Variants in POTEE observed in about 807,000 individuals in gnomAD.
The protein encoded by POTEE is ANKRD26-like family C member 1A.
A neutral mutation model predicts 74.2 loss-of-function variants in POTEE; 21 were observed. That is an observed-to-expected ratio of 0.28 (90% CI 0.20 to 0.41). POTEE has a LOEUF of 0.41. POTEE is among the 10% of genes least tolerant of loss of function. POTEE has a pLI of 1.00. For missense variants in POTEE, 525 were observed against 1,158.6 expected (o/e 0.45, Z 7.94); for synonymous variants, 211 against 432.8 (o/e 0.49, Z 6.36).
At chr2:131,258,474 G>C (rs1366769723) in intron 16 of POTEE, among the ~76,000 whole-genome samples, 2 of 136,022 alleles carry the variant, frequency 1.5e-5, no homozygotes, top group African/African-American at 5.3e-5. Flanking sequence ...TAGTCTCTTT[G>C]TCAGTTCATG....
intron 3 of POTEE, among the ~76,000 whole-genome samples, 98 bp downstream of exon 3, chr2:131,217,781 C>T (rs984279667): frequency 3.0e-4 from 42 of 141,404 alleles, no homozygotes; most frequent in Admixed American, 1.9e-3. Context: ...ACGCCGCACG[C>T]GCACGCGCAC....
At chr2:131,216,559 A>G (rs923215156) in intron 2 of POTEE, among the ~76,000 whole-genome samples, 8 of 151,782 alleles carry the variant, frequency 5.3e-5, no homozygotes, top group Non-Finnish European at 1.0e-4. Flanking sequence ...CACATGACTC[A>G]GTAAATTCAC....
rs757041537 is a variant in POTEE, at chr2:131,226,919, A to G, written c.907A>G (p.Arg303Gly). The change falls in exon 7 of 18, where the codon AGA becomes GGA. Residue 303 changes from arginine (R) to glycine (G), a missense_variant. Arg to Gly is a moderately radical substitution (Grantham distance 125, BLOSUM62 -2). Coordinates refer to ENST00000683005, the MANE Select transcript of POTEE (RefSeq NM_001083538.3). ...KKKANLNALD[R>G]YGRTALILAV... ...AAAAGCGAATTTAAATGCACTGGAT[A>G]GATATGGAAGGTATAGTTCTTTCTT... 1.6e-4 allele frequency: 256 copies of G among 1,611,540 alleles called. 1 individual carries two copies. Among genetic ancestry groups the G allele is most frequent in the Non-Finnish European group, 2.1e-4 (245 of 1,179,602 alleles).
chr2:131,260,191 G>A (rs1339354670), intron 16 of POTEE, among the ~76,000 whole-genome samples: 1 of 149,330 alleles, frequency 6.7e-6, no homozygotes, highest in East Asian at 1.9e-4. Flanking sequence ...GTTTTTATAC[G>A]AGTACCACGC....
intron 16 of POTEE, among the ~76,000 whole-genome samples, chr2:131,256,798 A>C (rs1406068749): frequency 6.7e-6 from 1 of 149,752 alleles, no homozygotes; most frequent in African/African-American, 2.4e-5. Context: ...AGAGAAAATG[A>C]AGAAAATGAA....
At chr2:131,216,226 C>T (rs116592435) in intron 2 of POTEE, among the ~76,000 whole-genome samples, 4,134 of 149,552 alleles carry the variant, frequency 0.028, 246 homozygotes, top group African/African-American at 0.1. Context: ...TATTTGTCAA[C>T]TGAAAAAATT....
intron 4 of POTEE, among the ~76,000 whole-genome samples, chr2:131,219,690 T>C (rs1270926527): frequency 6.6e-6 from 1 of 151,194 alleles, no homozygotes; most frequent in Non-Finnish European, 1.5e-5. Context: ...TGAGCAGAGA[T>C]AGTGCCACCG....
intron 9 of POTEE, 104 bp downstream of exon 9, chr2:131,231,010 T>C: frequency 1.0e-6 from 1 of 1,000,996 alleles, no homozygotes; most frequent in Non-Finnish European, 1.5e-6. Context: ...TGGGGGAGGG[T>C]GGGGATGGTT....
rs775208810 is a variant in POTEE at position 131,210,334 on chromosome 2, T to TG, written c.-345+524dup. On this transcript the variant is annotated intron_variant, in intron 1 of 17. Coordinates refer to ENST00000683005, the MANE Select transcript of POTEE (RefSeq NM_001083538.3). ...CTACACTGCCTGTGGAAGGGGTGGT[T>TG]GGGGGGGGGTATTGGGGTTACACTG... is the stretch of plus-strand genomic sequence containing the variant. Among the ~76,000 whole-genome samples, 133 of 24,402 alleles carry TG rather than the reference T, an allele frequency of 5.5e-3. 1 individual carries two copies. Among genetic ancestry groups the TG allele is most frequent in the Middle Eastern group, 0.021 (1 of 48 alleles). 16.0% of individuals were successfully genotyped at this position (24,402 alleles called of 152,430 possible). A position where few individuals can be genotyped will look rare whatever the true frequency, so the allele number is the denominator to read the frequency against.
chr2:131,256,785 T>C (rs1449390543), intron 16 of POTEE, among the ~76,000 whole-genome samples: 7 of 141,554 alleles, frequency 4.9e-5, no homozygotes, highest in Admixed American at 7.1e-5. Flanking sequence ...CGATTCCTAA[T>C]CCAGAGAAAA....
At chr2:131,230,500 T>C (rs559287416) in intron 8 of POTEE, among the ~76,000 whole-genome samples, 472 of 152,298 alleles carry the variant, frequency 3.1e-3, no homozygotes, top group African/African-American at 0.011. Context: ...ACATTGAGCC[T>C]AAGAGAAGCA....
At chr2:131,234,363 T>A (rs1332724720) in intron 9 of POTEE, among the ~76,000 whole-genome samples, 3 of 147,102 alleles carry the variant, frequency 2.0e-5, no homozygotes, top group Non-Finnish European at 4.5e-5. Context: ...ACACTTTGAT[T>A]TTTTCCCCGC....
intron 17 of POTEE, among the ~76,000 whole-genome samples, chr2:131,263,046 T>A (rs1402440769): frequency 2.0e-5 from 3 of 151,920 alleles, no homozygotes; most frequent in South Asian, 2.1e-4. Flanking sequence ...AAGGCTTTTT[T>A]AATTCTGGGA....
rs1274319827 is a variant in POTEE at position 131,223,589 on chromosome 2, C to T, written c.522-7C>T. 1.2e-6 allele frequency: 2 copies of T among 1,612,208 alleles called. No homozygotes were observed. The highest frequency in any genetic ancestry group is 2.2e-5 in the East Asian group (1 of 44,860). ...CAATTTCCTAAAAAGTCTTGTCACT[C>T]TCATAGGACTGCTCTACATCTGGCC... On this transcript the variant is annotated splice_region_variant and splice_polypyrimidine_tract_variant and intron_variant, in intron 4 of 17. Coordinates refer to ENST00000683005, the MANE Select transcript of POTEE (RefSeq NM_001083538.3).
chr2:131,209,841 T>C (rs1406049821), intron 1 of POTEE, among the ~76,000 whole-genome samples, 22 bp downstream of exon 1: 1 of 151,710 alleles, frequency 6.6e-6, no homozygotes, highest in Non-Finnish European at 1.5e-5. Context: ...GGGGATGTAC[T>C]GCCCGCCTGT....
chr2:131,218,093 G>T, intron 3 of POTEE: 1 of 505,818 alleles, frequency 2.0e-6, no homozygotes, highest in East Asian at 3.6e-5. Flanking sequence ...TTCTCTGCTG[G>T]GTTTGGCATT....
chr2:131,230,741 A>G, intron 8 of POTEE, 95 bp from the exon 9 acceptor site: 1 of 1,411,622 alleles, frequency 7.1e-7, no homozygotes, highest in Non-Finnish European at 9.6e-7. Flanking sequence ...TTATTCTGAT[A>G]TTGTTTGAAA....
rs976954009 is a variant in POTEE at position 131,264,962 on chromosome 2, G to C, written c.*279G>C. On this transcript the variant is annotated 3_prime_UTR_variant, in exon 18 of 18. Coordinates refer to ENST00000683005, the MANE Select transcript of POTEE (RefSeq NM_001083538.3). ...AATATTGTGAGACGCATTGTTTCAGGAAGCCCCTTGCCCTGCTAAAAGCCA... is the reference window on the plus strand; with the variant it reads ...AATATTGTGAGACGCATTGTTTCAGCAAGCCCCTTGCCCTGCTAAAAGCCA... 2.4e-5 allele frequency: 14 copies of C among 582,298 alleles called. No homozygotes were observed. The highest frequency in any genetic ancestry group is 4.2e-5 in the Non-Finnish European group (14 of 331,942). The allele number at this position is 582,298 out of a possible 1,614,324, so 36.1% of individuals were successfully genotyped here. A position where few individuals can be genotyped will look rare whatever the true frequency, so the allele number is the denominator to read the frequency against.
chr2:131,248,854 C>G (rs1279231125), intron 13 of POTEE, among the ~76,000 whole-genome samples: 1 of 151,832 alleles, frequency 6.6e-6, no homozygotes, highest in Non-Finnish European at 1.5e-5. Context: ...CCTAGAGTGC[C>G]CTGCTTGGCT....
Sources: allele counts gnomAD v4.1 joint callset (sites outside exome capture counted in the v4.1 genomes callset), GRCh38; gene constraint gnomAD v4.1.1; transcripts MANE v1.5; gene names NCBI Gene and HGNC (gene_info 2026-07-23, HGNC 2026-07-21).